Variants in CACNA2D2 observed in about 807,000 individuals in gnomAD.
The protein encoded by CACNA2D2 is voltage-dependent calcium channel subunit alpha-2/delta-2.
In CACNA2D2, 48 loss-of-function variants were observed where a neutral mutation model predicts 166.4. The observed-to-expected ratio is 0.29, with a 90% confidence interval of 0.23 to 0.37. The LOEUF is 0.37. Ranked by LOEUF, CACNA2D2 falls within the 10% of genes least tolerant of loss-of-function variation. The pLI is 1.00. For missense variants in CACNA2D2, 1,122 were observed against 1,433.0 expected, an observed-to-expected ratio of 0.78 and a Z score of 3.50; for synonymous variants, 561 against 573.7, an observed-to-expected ratio of 0.98 and a Z score of 0.32.
chr3:50,364,611 G>A lies in CACNA2D2; in HGVS notation c.*55C>T. 1.4e-6 allele frequency: 2 copies of A among 1,457,554 alleles called. No homozygotes were observed. Among genetic ancestry groups the A allele is most frequent in the African/African-American group, 1.4e-5 (1 of 69,986 alleles). 90.3% of individuals were successfully genotyped at this position (1,457,554 alleles called of 1,614,324 possible). On this transcript the variant is annotated 3_prime_UTR_variant, in exon 38 of 38. Coordinates refer to ENST00000424201, the MANE Select transcript of CACNA2D2 (RefSeq NM_006030.4). ...GCGGGGAGTGTGGGGCAGGAGGGTGGGAAAGGCGAAGAGGCCGGGTGAGGT... is the reference window on the plus strand; with the variant it reads ...GCGGGGAGTGTGGGGCAGGAGGGTGAGAAAGGCGAAGAGGCCGGGTGAGGT...
intron 3 of CACNA2D2, among the ~76,000 whole-genome samples, chr3:50,433,645 C>A (rs1708176220): frequency 6.6e-6 from 1 of 152,170 alleles, no homozygotes; most frequent in South Asian, 2.1e-4. Flanking sequence ...GGTCACTTGG[C>A]AGCTGAGAAG....
chr3:50,433,093 C>T (rs1162761821), intron 3 of CACNA2D2, among the ~76,000 whole-genome samples: 1 of 152,198 alleles, frequency 6.6e-6, no homozygotes, highest in Non-Finnish European at 1.5e-5. Flanking sequence ...GCAACCATCA[C>T]CACAATCTAA....
At chr3:50,484,672 C>G (rs1158155234) in intron 1 of CACNA2D2, among the ~76,000 whole-genome samples, 3 of 152,206 alleles carry the variant, frequency 2.0e-5, no homozygotes, top group African/African-American at 7.2e-5. Context: ...CCCCCCCCAG[C>G]AGCAACTGAT....
chr3:50,366,448 G>A lies in CACNA2D2; in HGVS notation c.2638-110C>T. 7 of 1,459,238 alleles carry A rather than the reference G, an allele frequency of 4.8e-6. No homozygotes were observed. The highest frequency in any genetic ancestry group is 6.7e-6 in the Non-Finnish European group (7 of 1,040,144). The allele number at this position is 1,459,238 out of a possible 1,614,324, so 90.4% of individuals were successfully genotyped here. ...GGGGGCATCACTCCCCCAGTCCTGGGAAGGCTGTGAAGTCAGGGTGGGGAT... is the reference window on the plus strand; with the variant it reads ...GGGGGCATCACTCCCCCAGTCCTGGAAAGGCTGTGAAGTCAGGGTGGGGAT... On this transcript the variant is annotated intron_variant, in intron 30 of 37. Transcript: ENST00000424201. The surrounding 1 kb of genome is among the most constrained non-coding windows in gnomAD (Gnocchi z 5.9).
chr3:50,453,304 T>C (rs1420730464), intron 2 of CACNA2D2, among the ~76,000 whole-genome samples: 1 of 152,202 alleles, frequency 6.6e-6, no homozygotes, highest in Non-Finnish European at 1.5e-5. Flanking sequence ...TCTCCATCTG[T>C]ACTGCACATA....
chr3:50,368,111 G>A (rs759905208), intron 24 of CACNA2D2, 27 bp downstream of exon 24: 53 of 1,540,014 alleles, frequency 3.4e-5, no homozygotes, highest in Non-Finnish European at 4.7e-5. Context: ...GCACTGCCCA[G>A]AGCCAGCTGC....
intron 3 of CACNA2D2, among the ~76,000 whole-genome samples, chr3:50,410,094 A>G (rs928476967): frequency 1.3e-5 from 2 of 152,218 alleles, no homozygotes; most frequent in Non-Finnish European, 2.9e-5. Context: ...GCCTGCTGCC[A>G]GGCTCAGGTC....
chr3:50,447,620 G>A (rs530069760), intron 2 of CACNA2D2, among the ~76,000 whole-genome samples: 71 of 152,272 alleles, frequency 4.7e-4, no homozygotes, highest in African/African-American at 1.5e-3. Flanking sequence ...CACTCAGTCC[G>A]CCCCTGGGGC....
chr3:50,459,743 G>A (rs1167549437), intron 2 of CACNA2D2, among the ~76,000 whole-genome samples: 1 of 152,204 alleles, frequency 6.6e-6, no homozygotes, highest in African/African-American at 2.4e-5. Flanking sequence ...CAGGGGAGAA[G>A]CCCATGCCCT....
rs775396097 is a variant in CACNA2D2, at chr3:50,367,425, GT to G, written c.2369del (p.His790ProfsTer14). ...GGTGTGGGGGCTTGAAGACATAACC[GT>G]GGTTATCCAGGCTGCGGCGGTAGAA... ...ASFYRRSLDN[H>X]GYVFKPPHQD... On this transcript the variant is annotated frameshift_variant, in exon 27 of 38. Transcript: ENST00000424201. LOFTEE classifies it high-confidence loss of function. This position sits in a 1 kb window ranked among gnomAD's most constrained non-coding sequence, Gnocchi z 6.5. 2 of 1,613,720 alleles carry G rather than the reference GT, an allele frequency of 1.2e-6. No individual in the cohort carries two copies. The highest frequency in any genetic ancestry group is 2.7e-5 in the African/African-American group (2 of 74,906).
rs1053735759 is a variant in CACNA2D2, at chr3:50,467,862, C to T, written c.288+8256G>A. On this transcript the variant is annotated intron_variant, in intron 2 of 37. Transcript: ENST00000424201. ...TCTCCAAACATAAAATCTCCGCTTA[C>T]AAGGTGAGGGCAGCCACACTCAGAG... Among the ~76,000 whole-genome samples, 4 of 152,204 alleles carry T rather than the reference C, an allele frequency of 2.6e-5. No homozygotes were observed. In the South Asian group the frequency reaches 6.2e-4, roughly 24 times the overall value.
intron 2 of CACNA2D2, among the ~76,000 whole-genome samples, chr3:50,473,881 C>G (rs982919310): frequency 1.3e-5 from 2 of 152,218 alleles, no homozygotes; most frequent in Non-Finnish European, 2.9e-5. Context: ...AGGAGGAAAA[C>G]TAGAGCAGGA....
chr3:50,493,862 A>T (rs1381139390), intron 1 of CACNA2D2, among the ~76,000 whole-genome samples: 1 of 152,104 alleles, frequency 6.6e-6, no homozygotes, highest in Non-Finnish European at 1.5e-5. Context: ...CCCTGGGCGA[A>T]GCCAGCAGCC....
At chr3:50,460,638 A>T (rs576846404) in intron 2 of CACNA2D2, among the ~76,000 whole-genome samples, 1 of 152,204 alleles carries the variant, frequency 6.6e-6, no homozygotes, top group South Asian at 2.1e-4. Flanking sequence ...GAGGATCACA[A>T]GGTCAGGAGA....
In CACNA2D2 at chr3:50,365,699, C is replaced by G; in HGVS notation, c.2916-11G>C. 3.1e-6 allele frequency: 5 copies of G among 1,591,732 alleles called. No homozygotes were observed. Among genetic ancestry groups the G allele is most frequent in the Non-Finnish European group, 4.3e-6 (5 of 1,169,528 alleles). Reference sequence around the variant, plus strand: ...TGCTGGAACAGGGACCTGCAGCGCACGGGGAGCCGAGTGCAGGTGGTCAGC... The same window carrying G: ...TGCTGGAACAGGGACCTGCAGCGCAGGGGGAGCCGAGTGCAGGTGGTCAGC... On this transcript the variant is annotated splice_polypyrimidine_tract_variant and intron_variant, in intron 33 of 37. Coordinates refer to ENST00000424201, the MANE Select transcript of CACNA2D2 (RefSeq NM_006030.4). This position sits in a 1 kb window ranked among gnomAD's most constrained non-coding sequence, Gnocchi z 4.5.
Position 50,471,784 on chromosome 3 carries a change from C to G in CACNA2D2, c.288+4334G>C, listed in dbSNP as rs1350868915. Among the ~76,000 whole-genome samples the G allele has an allele frequency of 2.0e-5, 3 of 152,176 alleles. No individual in the cohort carries two copies. The East Asian group carries it at 5.8e-4, about 29-fold the overall frequency. ...GACTTTGGTCAGTGCCGGGAGCCAG[C>G]TCCAGATGTAGTACTCCACAAATAT... On this transcript the variant is annotated intron_variant, in intron 2 of 37. Coordinates refer to ENST00000424201, the MANE Select transcript of CACNA2D2 (RefSeq NM_006030.4).
At chr3:50,414,640 G>T (rs1440367222) in intron 3 of CACNA2D2, among the ~76,000 whole-genome samples, 1 of 152,208 alleles carries the variant, frequency 6.6e-6, no homozygotes, top group African/African-American at 2.4e-5. Context: ...ACCCACTACT[G>T]CCCTTCCTTC....
chr3:50,479,891 C>T (rs572064462), intron 1 of CACNA2D2, among the ~76,000 whole-genome samples: 77 of 152,310 alleles, frequency 5.1e-4, no homozygotes, highest in African/African-American at 1.8e-3. Flanking sequence ...TGTAATTTTC[C>T]ATGCTTTTCA....
At chr3:50,387,010 C>T (rs587673700) in intron 5 of CACNA2D2, among the ~76,000 whole-genome samples, 13 of 152,258 alleles carry the variant, frequency 8.5e-5, no homozygotes, top group South Asian at 2.1e-4. Flanking sequence ...GCAGCCCGGG[C>T]GGACTTGAGC....
Sources: gnomAD v4.1 joint callset for allele counts (sites outside exome capture counted in the v4.1 genomes callset) on GRCh38, gnomAD v4.1.1 for gene constraint, Gnocchi (gnomAD v3.1) non-coding constraint, MANE v1.5 for transcripts, NCBI Gene and HGNC (gene_info 2026-07-23, HGNC 2026-07-21) for gene names.